The following FOXP1 variants were observed in gnomAD, a reference collection of about 807,000 sequenced individuals.
FOXP1 encodes forkhead box P1.
Under a neutral mutation model 98.2 loss-of-function variants are expected in FOXP1, and 15 were observed. The observed-to-expected ratio is 0.15, with a 90% CI of 0.10 to 0.24. The LOEUF is 0.24. FOXP1 is among the 10% of genes least tolerant of loss of function. FOXP1 has a pLI of 1.00. For synonymous variants in FOXP1, 371 were observed against 314.5 expected, an observed-to-expected ratio of 1.18 and a Z score of -1.90; for missense variants, 633 against 848.5, an observed-to-expected ratio of 0.75 and a Z score of 3.15.
At chr3:71,091,183 T>C (rs969247246) in intron 7 of FOXP1, among the ~76,000 whole-genome samples, 3 of 149,512 alleles carry the variant, frequency 2.0e-5, no homozygotes, top group Admixed American at 6.7e-5. Flanking sequence ...ATTTCTACTT[T>C]ATAGAAGCTC....
At chr3:71,367,123 C>G (rs552664237) in intron 3 of FOXP1, among the ~76,000 whole-genome samples, 65 of 152,268 alleles carry the variant, frequency 4.3e-4, no homozygotes, top group African/African-American at 1.5e-3. Context: ...GCACTGCCTG[C>G]TTTGAAGCTG....
intron 3 of FOXP1, among the ~76,000 whole-genome samples, chr3:71,377,830 T>C (rs750875298): frequency 4.6e-5 from 7 of 152,222 alleles, no homozygotes; most frequent in Non-Finnish European, 7.3e-5. Context: ...TGTTACCCTA[T>C]GAATGCTATG....
intron 5 of FOXP1, among the ~76,000 whole-genome samples, chr3:71,283,265 C>T (rs959669271): frequency 6.6e-6 from 1 of 152,138 alleles, no homozygotes; most frequent in Non-Finnish European, 1.5e-5. Flanking sequence ...GGCTGTAATT[C>T]CCAGTGCCCC....
intron 14 of FOXP1, among the ~76,000 whole-genome samples, chr3:70,985,533 A>AAT (rs929680284): frequency 6.6e-6 from 1 of 152,216 alleles, no homozygotes; most frequent in Non-Finnish European, 1.5e-5. Flanking sequence ...TCTATTTTCC[A>AAT]ATAAATGAAA....
intron 4 of FOXP1, among the ~76,000 whole-genome samples, chr3:71,319,927 C>T (rs1247883807): frequency 1.3e-5 from 2 of 152,094 alleles, no homozygotes; most frequent in Non-Finnish European, 2.9e-5. Context: ...TTGACTCCTC[C>T]ACCACATCCA....
At chr3:71,395,271 C>T (rs920295913) in intron 3 of FOXP1, among the ~76,000 whole-genome samples, 1 of 150,682 alleles carries the variant, frequency 6.6e-6, no homozygotes, top group African/African-American at 2.4e-5. Flanking sequence ...GAATAAAGCT[C>T]GGCGTCTTGC....
At chr3:71,067,731 T>TACACACACACACACAC (rs6147878) in intron 7 of FOXP1, among the ~76,000 whole-genome samples, 23,066 of 126,342 alleles carry the variant, frequency 0.18, 2,823 homozygotes, top group Non-Finnish European at 0.23. Context: ...TCTCCAAAAA[T>TACACACACACACACAC]ACACACACAC....
intron 9 of FOXP1, among the ~76,000 whole-genome samples, chr3:71,048,874 T>A (rs1217283109): frequency 6.6e-6 from 1 of 152,164 alleles, no homozygotes. Context: ...TTAAAAATTT[T>A]GTATTTATGT....
intron 5 of FOXP1, among the ~76,000 whole-genome samples, chr3:71,228,463 A>G (rs1426724410): frequency 1.3e-5 from 2 of 152,214 alleles, no homozygotes; most frequent in African/African-American, 2.4e-5. Context: ...TGGATCTCAT[A>G]GCTTTAATGG....
At chr3:71,482,834 CTT>C (rs777721460) in intron 3 of FOXP1, among the ~76,000 whole-genome samples, 18 of 142,084 alleles carry the variant, frequency 1.3e-4, no homozygotes, top group Admixed American at 1.4e-4. Flanking sequence ...TCTTATGTCA[CTT>C]TTTTTTTTTT....
At chr3:71,500,761 TCA>T (rs1455197186) in intron 2 of FOXP1, among the ~76,000 whole-genome samples, 1 of 152,152 alleles carries the variant, frequency 6.6e-6, no homozygotes, top group Non-Finnish European at 1.5e-5. Context: ...ACAGCCCACC[TCA>T]CCTGTCACCT....
At chr3:71,530,660 T>C (rs1049790752) in intron 2 of FOXP1, among the ~76,000 whole-genome samples, 2 of 152,264 alleles carry the variant, frequency 1.3e-5, no homozygotes, top group Non-Finnish European at 2.9e-5. Flanking sequence ...TCAGTAATTA[T>C]GTTGCACATA....
At chr3:71,453,023 T>G (rs2087115486) in intron 3 of FOXP1, among the ~76,000 whole-genome samples, 1 of 152,200 alleles carries the variant, frequency 6.6e-6, no homozygotes, top group African/African-American at 2.4e-5. Context: ...TGCCTAGTTC[T>G]TTACTCTTCT....
intron 6 of FOXP1, among the ~76,000 whole-genome samples, chr3:71,122,908 C>A (rs1008249113): frequency 3.3e-5 from 5 of 152,166 alleles, no homozygotes; most frequent in African/African-American, 1.2e-4. Flanking sequence ...ATGCAGACCT[C>A]CGGAGCTAAA....
intron 19 of FOXP1, chr3:70,966,307 G>T (rs920421434): frequency 3.9e-6 from 2 of 516,492 alleles, no homozygotes; most frequent in Non-Finnish European, 7.0e-6. Context: ...ACTCAATTTG[G>T]TCCTGCTTGG....
At chr3:70,999,423 A>G (rs1483926337) in intron 13 of FOXP1, among the ~76,000 whole-genome samples, 1 of 152,224 alleles carries the variant, frequency 6.6e-6, no homozygotes, top group Admixed American at 6.5e-5. Context: ...TGTCTTAATC[A>G]TAAAAGAACT....
intron 5 of FOXP1, among the ~76,000 whole-genome samples, chr3:71,207,291 C>T (rs768216317): frequency 2.7e-5 from 4 of 149,560 alleles, no homozygotes; most frequent in African/African-American, 5.0e-5. Flanking sequence ...TTAATGTACA[C>T]GAGGCCAGGT....
intron 6 of FOXP1, among the ~76,000 whole-genome samples, chr3:71,127,830 A>C (rs2059319460): frequency 6.6e-6 from 1 of 152,200 alleles, no homozygotes; most frequent in Admixed American, 6.5e-5. Context: ...TTTGATTTCT[A>C]CAGACAAAGG....
intron 7 of FOXP1, among the ~76,000 whole-genome samples, chr3:71,060,717 A>T (rs1401434522): frequency 6.6e-6 from 1 of 152,200 alleles, no homozygotes; most frequent in Non-Finnish European, 1.5e-5. Context: ...AAATCACAGA[A>T]GCCGACCTTT....
Sources: gnomAD v4.1 joint callset for allele counts (sites outside exome capture counted in the v4.1 genomes callset) on GRCh38, gnomAD v4.1.1 for gene constraint, MANE v1.5 for transcripts, NCBI Gene and HGNC (gene_info 2026-07-23, HGNC 2026-07-21) for gene names.